CLVS1: variants seen among roughly 807,000 people sequenced by gnomAD.
The protein encoded by CLVS1 is clavesin 1.
A neutral mutation model predicts 33.1 loss-of-function variants in CLVS1; 10 were observed. That is an observed-to-expected ratio of 0.30 (90% CI 0.19 to 0.51). The LOEUF is 0.51. Ranked by LOEUF, CLVS1 falls within the 20% of genes least tolerant of loss-of-function variation. CLVS1 has a pLI of 0.97. For missense variants in CLVS1, 343 were observed against 433.4 expected (o/e 0.79, Z 1.85); for synonymous variants, 163 against 166.1 (o/e 0.98, Z 0.14).
the CLVS1 span, among the ~76,000 whole-genome samples, chr8:61,030,309 T>TG: frequency 2.8e-4 from 32 of 115,298 alleles, no homozygotes; most frequent in Admixed American, 1.7e-3. Context: ...GGCAGCGGGG[T>TG]GGGGGGGCGC....
chr8:61,237,425 G>T (rs1170629120), intron 2 of CLVS1, among the ~76,000 whole-genome samples: 1 of 152,174 alleles, frequency 6.6e-6, no homozygotes, highest in South Asian at 2.1e-4. Context: ...CCCAGCCAAG[G>T]TGATAGAGCA....
chr8:60,995,927 C>T, the CLVS1 span, among the ~76,000 whole-genome samples: 7 of 152,170 alleles, frequency 4.6e-5, no homozygotes, highest in Non-Finnish European at 7.3e-5. Flanking sequence ...AAACCAAACA[C>T]CGCATATTCT....
At chr8:60,981,409 A>C in the CLVS1 span, among the ~76,000 whole-genome samples, 8 of 152,234 alleles carry the variant, frequency 5.3e-5, no homozygotes. Context: ...TTTATTTGTG[A>C]AAGATATCAG....
intron 2 of CLVS1, among the ~76,000 whole-genome samples, chr8:61,355,333 T>C (rs1812648140): frequency 6.6e-6 from 1 of 152,090 alleles, no homozygotes; most frequent in Non-Finnish European, 1.5e-5. Flanking sequence ...TATTTGTCAA[T>C]TCAAAATCAG....
chr8:61,404,866 A>C (rs751112646), intron 3 of CLVS1, among the ~76,000 whole-genome samples: 2 of 152,174 alleles, frequency 1.3e-5, no homozygotes, highest in African/African-American at 2.4e-5. Flanking sequence ...CCCCAAGATG[A>C]ACACCATGGT....
the CLVS1 span, among the ~76,000 whole-genome samples, chr8:61,025,330 T>A: frequency 6.6e-6 from 1 of 152,218 alleles, no homozygotes; most frequent in South Asian, 2.1e-4. Context: ...ATTTTGCATG[T>A]GTTAGGTTAC....
chr8:61,079,696 AGGTC>A (rs1804987140), intron 1 of CLVS1, among the ~76,000 whole-genome samples: 1 of 152,194 alleles, frequency 6.6e-6, no homozygotes, highest in Non-Finnish European at 1.5e-5. Flanking sequence ...AAGCTGATGA[AGGTC>A]AGAGATTTAA....
chr8:61,426,640 G>A (rs1815905332), intron 3 of CLVS1, among the ~76,000 whole-genome samples: 1 of 152,174 alleles, frequency 6.6e-6, no homozygotes, highest in Admixed American at 6.5e-5. Flanking sequence ...TTGGTCTGCG[G>A]TCCTAGTACC....
the CLVS1 span, among the ~76,000 whole-genome samples, chr8:60,981,924 C>A: frequency 6.6e-6 from 1 of 152,252 alleles, no homozygotes; most frequent in Non-Finnish European, 1.5e-5. Context: ...GACAGATTAA[C>A]AGCCAAGGCT....
At chr8:61,273,896 C>CTCTCTAGTGAGATGAACCCGGTA (rs1809513587) in intron 2 of CLVS1, 1 of 158,614 alleles carries the variant, frequency 6.3e-6, no homozygotes, top group Non-Finnish European at 1.4e-5. Context: ...CTGTCTGGCA[C>CTCTCTAGTGAGATGAACCCGGTA]TCTCTAGTGA....
At chr8:61,021,453 C>T in the CLVS1 span, among the ~76,000 whole-genome samples, 1 of 152,096 alleles carries the variant, frequency 6.6e-6, no homozygotes. Context: ...CGGGTTCAAG[C>T]GATTCCCTTG....
chr8:61,426,834 T>G (rs1258669639), intron 3 of CLVS1, among the ~76,000 whole-genome samples: 1 of 152,168 alleles, frequency 6.6e-6, no homozygotes, highest in African/African-American at 2.4e-5. Context: ...GGCTGTGAGC[T>G]CCTCATGGGC....
chr8:61,279,427 T>C (rs1809626484), intron 2 of CLVS1, among the ~76,000 whole-genome samples: 1 of 152,222 alleles, frequency 6.6e-6, no homozygotes, highest in African/African-American at 2.4e-5. Flanking sequence ...CTCAGAGTAC[T>C]GACTTGCAAG....
chr8:61,405,444 T>G (rs1224730375), intron 3 of CLVS1, among the ~76,000 whole-genome samples: 1 of 152,174 alleles, frequency 6.6e-6, no homozygotes, highest in Non-Finnish European at 1.5e-5. Context: ...AAGTGCTTCA[T>G]GTGTACTTCC....
At chr8:61,185,039 A>G (rs748699311) in intron 2 of CLVS1, among the ~76,000 whole-genome samples, 4 of 152,124 alleles carry the variant, frequency 2.6e-5, no homozygotes, top group Admixed American at 6.5e-5. Context: ...TTCTAGACAC[A>G]TATTTTCCAA....
intron 1 of CLVS1, among the ~76,000 whole-genome samples, chr8:61,294,181 C>G (rs1218915467): frequency 1.3e-5 from 2 of 152,026 alleles, no homozygotes; most frequent in Non-Finnish European, 2.9e-5. Flanking sequence ...GGCACCGGTA[C>G]TCAGAGTGAT....
intron 5 of CLVS1, among the ~76,000 whole-genome samples, chr8:61,490,926 A>C (rs1586053229): frequency 6.6e-6 from 1 of 150,904 alleles, no homozygotes; most frequent in East Asian, 1.9e-4. Flanking sequence ...GCACCACTGC[A>C]CTCCAGCCTG....
chr8:61,085,893 G>T (rs1389302175), intron 1 of CLVS1, among the ~76,000 whole-genome samples: 1 of 151,408 alleles, frequency 6.6e-6, no homozygotes, highest in East Asian at 1.9e-4. Flanking sequence ...GTATGGTGGC[G>T]GGCGCGTTGG....
intron 2 of CLVS1, among the ~76,000 whole-genome samples, chr8:61,180,739 A>G (rs1255840237): frequency 2.0e-5 from 3 of 152,256 alleles, no homozygotes; most frequent in Non-Finnish European, 4.4e-5. Flanking sequence ...GACAGAAACC[A>G]TATGATTATC....
Sources: allele counts gnomAD v4.1 joint callset (sites outside exome capture counted in the v4.1 genomes callset), GRCh38; gene constraint gnomAD v4.1.1; transcripts MANE v1.5; gene names NCBI Gene and HGNC (gene_info 2026-07-23, HGNC 2026-07-21).